Variants in TTC19 observed in about 807,000 individuals in gnomAD.
The protein encoded by TTC19 is tetratricopeptide repeat domain 19.
A neutral mutation model predicts 49.5 loss-of-function variants in TTC19; 38 were observed. That is an observed-to-expected ratio of 0.77 (90% CI 0.59 to 1.01). The LOEUF is 1.01. Ranked by LOEUF, TTC19 falls within the 50% of genes least tolerant of loss-of-function variation. TTC19 has a pLI of 0.00. For missense variants in TTC19, 475 were observed against 477.7 expected (o/e 0.99, Z 0.05); for synonymous variants, 204 against 185.2 (o/e 1.10, Z -0.83).
intron 7 of TTC19, among the ~76,000 whole-genome samples, chr17:16,021,319 C>T (rs936036331): frequency 1.3e-5 from 2 of 152,152 alleles, no homozygotes; most frequent in Admixed American, 6.5e-5. Flanking sequence ...ACTCAGGAGG[C>T]GGAGGTTGCA....
intron 2 of TTC19, among the ~76,000 whole-genome samples, chr17:16,000,802 A>C (rs148386904): frequency 3.0e-4 from 45 of 152,292 alleles, no homozygotes; most frequent in Middle Eastern, 3.4e-3. Flanking sequence ...CTTTAGGACC[A>C]TACCTACCTC....
At chr17:16,025,260 C>A (rs1971514625) in intron 8 of TTC19, 89 bp downstream of exon 8, 1 of 1,396,784 alleles carries the variant, frequency 7.2e-7, no homozygotes, top group African/African-American at 1.4e-5. Flanking sequence ...GTAACAGGAT[C>A]AGCAGATGGT....
chr17:16,027,011 T>A, intron 9 of TTC19: 1 of 521,072 alleles, frequency 1.9e-6, no homozygotes, highest in South Asian at 2.0e-5. Flanking sequence ...AATGTGTTTC[T>A]CACAGTGTGC....
intron 7 of TTC19, among the ~76,000 whole-genome samples, chr17:16,007,233 C>T (rs1232942956): frequency 6.6e-6 from 1 of 152,004 alleles, no homozygotes; most frequent in East Asian, 1.9e-4. Flanking sequence ...TGTTCCAAGA[C>T]CCCCAGCAGA....
At chr17:16,034,543 G>C (rs903578877) in intron 2 of TTC19, among the ~76,000 whole-genome samples, 1 of 152,118 alleles carries the variant, frequency 6.6e-6, no homozygotes, top group African/African-American at 2.4e-5. Context: ...CAGAGGTCGA[G>C]GCTGCAGTGA....
chr17:16,028,516 A>G lies in TTC19; in HGVS notation c.*994A>G. On this transcript the variant is annotated 3_prime_UTR_variant, in exon 10 of 10. Transcript: ENST00000261647. ...AAGGTATTTGGTTAGATGACTTTGAATGAATAGACTGCTGTGCTGAAAGAG... is the reference window on the plus strand; with the variant it reads ...AAGGTATTTGGTTAGATGACTTTGAGTGAATAGACTGCTGTGCTGAAAGAG... The G allele has an allele frequency of 2.2e-6, 1 of 454,094 alleles. No homozygotes were observed. The highest frequency in any genetic ancestry group is 4.4e-6 in the Non-Finnish European group (1 of 226,774). 28.1% of individuals were successfully genotyped at this position (454,094 alleles called of 1,614,324 possible).
rs763746401 is a variant in TTC19 at position 16,026,717 on chromosome 17, A to AAACTT, written c.994+20_994+24dup. On this transcript the variant is annotated intron_variant, in intron 9 of 9. Coordinates refer to ENST00000261647, the MANE Select transcript of TTC19 (RefSeq NM_017775.4). ...GATGCACAGAGGTAGGTAGCAATGT[A>AAACTT]AACTTAACTGACTTGCTTTAAGGGA... 1 of 1,613,874 alleles carries AAACTT rather than the reference A, an allele frequency of 6.2e-7. No individual in the cohort carries two copies. The highest frequency in any genetic ancestry group is 2.2e-5 in the East Asian group (1 of 44,884).
chr17:16,036,701 C>G (rs533179099), intron 2 of TTC19, among the ~76,000 whole-genome samples: 1 of 152,206 alleles, frequency 6.6e-6, no homozygotes, highest in East Asian at 1.9e-4. Flanking sequence ...TCATCTGTGG[C>G]TTCCTCGCCT....
rs1237476541 is a variant in TTC19, at chr17:16,002,850, A to G, written c.462+19A>G. 6.2e-7 allele frequency: 1 copy of G among 1,612,210 alleles called. No homozygotes were observed. The highest frequency in any genetic ancestry group is 2.2e-5 in the East Asian group (1 of 44,852). On this transcript the variant is annotated intron_variant, in intron 4 of 9. Coordinates refer to ENST00000261647, the MANE Select transcript of TTC19 (RefSeq NM_017775.4). ...TGAAAATGTAAGTAAATTGCTTTGT[A>G]ATATCTTGAATTTATGAAGGAGTAG...
chr17:16,030,770 A>T (rs986066280), downstream of TTC19: 2 of 180,644 alleles, frequency 1.1e-5, no homozygotes, highest in Admixed American at 1.3e-4. Context: ...CAAAGTACTA[A>T]ACCTGTGTCT....
chr17:16,014,086 C>T (rs1192643764), intron 7 of TTC19, among the ~76,000 whole-genome samples: 2 of 152,122 alleles, frequency 1.3e-5, no homozygotes, highest in African/African-American at 4.8e-5. Flanking sequence ...GTGGTTGAAA[C>T]GTGAAACTAT....
At chr17:16,022,789 A>T (rs550745154) in intron 7 of TTC19, among the ~76,000 whole-genome samples, 1 of 152,306 alleles carries the variant, frequency 6.6e-6, no homozygotes, top group East Asian at 1.9e-4. Flanking sequence ...AAAATTCTAT[A>T]GTGAATCCTG....
chr17:16,025,006 T>G lies in TTC19; in HGVS notation c.677-11T>G. ...TTTGGGTAGATTTGCTGATTCCTCT[T>G]TTCTCCTTAGTGGAAGAGAAAGCCA... On this transcript the variant is annotated splice_polypyrimidine_tract_variant and intron_variant, in intron 7 of 9. Transcript: ENST00000261647. The G allele has an allele frequency of 6.2e-7, 1 of 1,613,842 alleles. No individual in the cohort carries two copies. Among genetic ancestry groups the G allele is most frequent in the South Asian group, 1.1e-5 (1 of 91,072 alleles).
intron 3 of TTC19, 102 bp from the exon 4 acceptor site, chr17:16,002,691 T>A (rs768223401): frequency 1.8e-6 from 2 of 1,089,760 alleles, no homozygotes; most frequent in Non-Finnish European, 1.4e-6. Flanking sequence ...TTTCAACTAT[T>A]TTTTAAATTT....
chr17:16,039,537 A>G (rs751936193), intron 2 of TTC19: 2 of 1,613,464 alleles, frequency 1.2e-6, no homozygotes, highest in South Asian at 2.2e-5. Context: ...GGACATGACA[A>G]CTCCATGATC....
At position 16,000,212 on chromosome 17, in the gene TTC19, G is replaced by A. The variant is rs754615839; in HGVS notation, c.279G>A (p.Glu93=). ...CCGAGGACGGGGCGGACGAGGCCGA[G>A]GCAGAGATCATCCAGCTGCTGAAGC... ...AAAEDGADEA[E]AEIIQLLKRA... The change falls in exon 2 of 10, where the codon GAG becomes GAA. Residue 93 remains glutamate, a synonymous_variant. Transcript: ENST00000261647. 5.6e-6 allele frequency: 9 copies of A among 1,595,134 alleles called. No homozygotes were observed. In the South Asian group the frequency reaches 7.7e-5, roughly 14 times the overall value.
chr17:16,017,869 T>C (rs1445630284), intron 7 of TTC19, among the ~76,000 whole-genome samples: 1 of 152,228 alleles, frequency 6.6e-6, no homozygotes, highest in Non-Finnish European at 1.5e-5. Context: ...CAGTTCCTCT[T>C]ACAGGAACTT....
At chr17:16,042,014 G>A (rs572204251) in intron 2 of TTC19, among the ~76,000 whole-genome samples, 2 of 152,278 alleles carry the variant, frequency 1.3e-5, no homozygotes, top group East Asian at 3.9e-4. Context: ...GATTACAGGT[G>A]TGAGCCACCG....
intron 7 of TTC19, among the ~76,000 whole-genome samples, chr17:16,020,390 C>A (rs1254814854): frequency 6.6e-6 from 1 of 152,052 alleles, no homozygotes; most frequent in Non-Finnish European, 1.5e-5. Context: ...CGTAAGAGTT[C>A]CTTACGTATT....
Sources: gnomAD v4.1 joint callset for allele counts (sites outside exome capture counted in the v4.1 genomes callset) on GRCh38, gnomAD v4.1.1 for gene constraint, MANE v1.5 for transcripts, NCBI Gene and HGNC (gene_info 2026-07-23, HGNC 2026-07-21) for gene names.